DLAT: variants seen among roughly 807,000 people sequenced by gnomAD.
DLAT encodes dihydrolipoyllysine-residue acetyltransferase component of pyruvate dehydrogenase complex, mitochondrial.
DLAT carries 43 observed loss-of-function variants against 68.0 expected under a neutral mutation model. The ratio of observed to expected loss-of-function variants is 0.63; its 90% CI spans 0.50 to 0.81. The LOEUF (loss-of-function observed/expected upper bound fraction) is 0.81, where lower values mean the gene tolerates loss of function less well. Ranked by LOEUF, DLAT falls within the 40% of genes least tolerant of loss-of-function variation. The pLI, the probability that DLAT is intolerant of heterozygous loss-of-function variation, is 0.00. For missense variants in DLAT, 745 were observed against 815.4 expected (o/e 0.91, Z 1.05); for synonymous variants, 265 against 288.6 (o/e 0.92, Z 0.83).
At position 112,031,972 on chromosome 11, in the gene DLAT, G is replaced by A. The variant is rs1862430886; in HGVS notation, c.661-1432G>A. Among the ~76,000 whole-genome samples the A allele has an allele frequency of 3.2e-5, 4 of 123,340 alleles. No individual in the cohort carries two copies. The South Asian group carries it at 1.1e-3, about 35-fold the overall frequency. The allele number at this position is 123,340 out of a possible 152,430, so 80.9% of individuals were successfully genotyped here. ...GTGTAGTGGCACGATCTTGGCTCAC[G>A]GCAACCTCTGCGATTCTCATGCCTC... On this transcript the variant is annotated intron_variant, in intron 4 of 13. Transcript: ENST00000280346.
rs201582626 is a variant in DLAT at position 112,062,431 on chromosome 11, G to A, written c.1840G>A (p.Val614Ile). The A allele has an allele frequency of 6.2e-7, 1 of 1,612,618 alleles. No homozygotes were observed. The highest frequency in any genetic ancestry group is 1.3e-5 in the African/African-American group (1 of 74,982). Residue 614 changes from valine (V) to isoleucine (I), a missense_variant, in exon 14 of 14, where the codon GTT becomes ATT. Val to Ile is a conservative substitution (Grantham distance 29). Coordinates refer to ENST00000280346, the MANE Select transcript of DLAT (RefSeq NM_001931.5). ...GTTTGATGTGGCTAGCATGATGTCT[G>A]TTACACTCAGTTGTGATCACCGGGT... The part of the protein sequence containing the change: ...KGFDVASMMS[V>I]TLSCDHRVVD...
At chr11:112,049,571 GA>G (rs782036003) in intron 10 of DLAT, among the ~76,000 whole-genome samples, 22 of 149,306 alleles carry the variant, frequency 1.5e-4, no homozygotes, top group East Asian at 1.4e-3. Flanking sequence ...AGGTATGATT[GA>G]TTTTTTTTTT....
At position 112,051,550 on chromosome 11, in the gene DLAT, CTTGTTT is replaced by C. The variant is rs1199593534; in HGVS notation, c.1514+219_1514+224del. Reference sequence around the variant, plus strand: ...TTTCTTACTGGCCCCAATTTTCAACCTTGTTTTTGTTTTTGTTTTTGTTGTTGTTGT... The same window carrying C: ...TTTCTTACTGGCCCCAATTTTCAACCTTGTTTTTGTTTTTGTTGTTGTTGT... On this transcript the variant is annotated intron_variant, in intron 11 of 13. Coordinates refer to ENST00000280346, the MANE Select transcript of DLAT (RefSeq NM_001931.5). The surrounding 1 kb of genome is among the most constrained non-coding windows in gnomAD (Gnocchi z 4.3). Among the ~76,000 whole-genome samples, 10 of 151,998 alleles carry C rather than the reference CTTGTTT, an allele frequency of 6.6e-5. No individual in the cohort carries two copies. The highest frequency in any genetic ancestry group is 9.7e-5 in the African/African-American group (4 of 41,432).
chr11:112,057,477 A>C (rs1864168102), intron 11 of DLAT, among the ~76,000 whole-genome samples: 1 of 152,262 alleles, frequency 6.6e-6, no homozygotes, highest in African/African-American at 2.4e-5. Flanking sequence ...AATGAAAAGT[A>C]CTATCCTGGT....
chr11:112,054,154 CAA>C (rs1162304334), intron 11 of DLAT, among the ~76,000 whole-genome samples: 4 of 136,342 alleles, frequency 2.9e-5, no homozygotes, highest in Non-Finnish European at 1.6e-5. Context: ...GCTAAAAATA[CAA>C]AAAAAAAAAA....
chr11:112,052,363 G>A (rs587607721), intron 11 of DLAT, among the ~76,000 whole-genome samples: 5 of 151,950 alleles, frequency 3.3e-5, no homozygotes, highest in African/African-American at 1.2e-4. Context: ...CTACAAGACT[G>A]CCCTCACTTC....
chr11:112,028,416 G>C, intron 2 of DLAT, 99 bp from the exon 3 acceptor site: 1 of 1,189,276 alleles, frequency 8.4e-7, no homozygotes, highest in Non-Finnish European at 1.2e-6. Flanking sequence ...GAGACTCTGT[G>C]TCTCAAAAAA....
chr11:112,039,364 G>A lies in DLAT; in HGVS notation c.1096G>A (p.Val366Ile), dbSNP rs376605723. The change falls in exon 7 of 14, where the codon GTA (valine) becomes ATA (isoleucine). Residue 366 changes from valine (V) to isoleucine (I), a missense_variant. By Grantham distance (29) the Val-to-Ile change is conservative. Coordinates refer to ENST00000280346, the MANE Select transcript of DLAT (RefSeq NM_001931.5). Reference protein sequence around the residue: ...FVSPLAKKLAVEKGIDLTQVK... With the variant: ...FVSPLAKKLAIEKGIDLTQVK... ...TAGCCCTCTTGCAAAGAAGTTGGCA[G>A]TAGAGAAAGGGATTGATCTTACACA... 107 of 1,614,020 alleles carry A rather than the reference G, an allele frequency of 6.6e-5. No homozygotes were observed. Among genetic ancestry groups the A allele is most frequent in the Non-Finnish European group, 8.7e-5 (103 of 1,180,006 alleles).
chr11:112,051,188 A>C lies in DLAT; in HGVS notation c.1399-46A>C. ...ATGCACCCTGAAACTTAAAATTAAA[A>C]TTAAAATTAAAAAAGAAGAAACTAC... On this transcript the variant is annotated intron_variant, in intron 10 of 13. Coordinates refer to ENST00000280346, the MANE Select transcript of DLAT (RefSeq NM_001931.5). This position sits in a 1 kb window ranked among gnomAD's most constrained non-coding sequence, Gnocchi z 4.3. 7.6e-7 allele frequency: 1 copy of C among 1,321,644 alleles called. No individual in the cohort carries two copies. Among genetic ancestry groups the C allele is most frequent in the Non-Finnish European group, 1.1e-6 (1 of 939,682 alleles). 81.9% of individuals were successfully genotyped at this position (1,321,644 alleles called of 1,614,324 possible).
At chr11:112,045,302 TTTAACACA>T (rs1863251348) in intron 9 of DLAT, 72 bp downstream of exon 9, 7 of 1,243,566 alleles carry the variant, frequency 5.6e-6, no homozygotes, top group Non-Finnish European at 8.3e-6. Flanking sequence ...TTCCATAGTT[TTTAACACA>T]TTAACAGAGG....
At chr11:112,037,536 C>A in intron 6 of DLAT, 76 bp downstream of exon 6, 1 of 1,416,474 alleles carries the variant, frequency 7.1e-7, no homozygotes, top group Non-Finnish European at 9.9e-7. Context: ...TAGATGATAT[C>A]CTAGGTTCCT....
chr11:112,054,815 G>A lies in DLAT; in HGVS notation c.1514+3466G>A, dbSNP rs587773090. Among the ~76,000 whole-genome samples the A allele has an allele frequency of 2.0e-5, 3 of 152,310 alleles. No homozygotes were observed. In the East Asian group the frequency reaches 5.8e-4, roughly 29 times the overall value. ...CGTTCCCTCCAAAGACTATAGAGAA[G>A]AATCCTTCCTTGCCTTTTCCAGTTC... On this transcript the variant is annotated intron_variant, in intron 11 of 13. Transcript: ENST00000280346.
At chr11:112,056,818 A>G (rs1440289298) in intron 11 of DLAT, among the ~76,000 whole-genome samples, 5 of 152,200 alleles carry the variant, frequency 3.3e-5, no homozygotes, top group African/African-American at 7.2e-5. Flanking sequence ...CAGTTTCTCT[A>G]TGTCCTCATC....
chr11:112,030,501 A>G (rs1418033635), intron 4 of DLAT: 10 of 253,066 alleles, frequency 4.0e-5, no homozygotes, highest in Non-Finnish European at 7.0e-5. Flanking sequence ...TTCTTTTGAC[A>G]TGTGGTGATC....
At chr11:112,030,296 A>G in intron 4 of DLAT, 1 of 548,062 alleles carries the variant, frequency 1.8e-6, no homozygotes, top group South Asian at 1.4e-5. Flanking sequence ...TTGTGCGGCC[A>G]ACTTCCTGAC....
rs1555180114 is a variant in DLAT, at chr11:112,033,432, T to C, written c.689T>C (p.Met230Thr). The C allele has an allele frequency of 6.2e-7, 1 of 1,613,870 alleles. No homozygotes were observed. Among genetic ancestry groups the C allele is most frequent in the East Asian group, 2.2e-5 (1 of 44,864 alleles). ...QVLLPALSPT[M>T]TMGTVQRWEK... ...CTTCTTCCTGCCCTCTCTCCCACCA[T>C]GACCATGGGCACAGTTCAGAGATGG... is the stretch of plus-strand genomic sequence containing the variant. Residue 230 changes from methionine (M) to threonine (T), a missense_variant, in exon 5 of 14, where the codon ATG becomes ACG. By Grantham distance (81) the Met-to-Thr change is moderately conservative (BLOSUM62 -1). Coordinates refer to ENST00000280346, the MANE Select transcript of DLAT (RefSeq NM_001931.5).
Position 112,025,818 on chromosome 11 carries a change from C to T in DLAT, c.279+67C>T, listed in dbSNP as rs1861964697. ...AGAGCTGACTGGATGCCTGCAAGAT[C>T]CTCCTTGAGAGGCCTCACTGATCCT... On this transcript the variant is annotated intron_variant, in intron 1 of 13. Transcript: ENST00000280346. 13 of 1,588,028 alleles carry T rather than the reference C, an allele frequency of 8.2e-6. No homozygotes were observed. The South Asian group carries it at 1.4e-4, about 17-fold the overall frequency.
At chr11:112,029,050 G>T (rs1424600581) in intron 4 of DLAT, 105 bp downstream of exon 4, 31 of 1,327,916 alleles carry the variant, frequency 2.3e-5, no homozygotes, top group Non-Finnish European at 3.2e-5. Flanking sequence ...ATGTGGTTAG[G>T]TCTTGTCATT....
At chr11:112,032,083 T>C (rs587755103) in intron 4 of DLAT, among the ~76,000 whole-genome samples, 1 of 151,656 alleles carries the variant, frequency 6.6e-6, no homozygotes, top group South Asian at 2.1e-4. Flanking sequence ...GGTTTCGACA[T>C]GATGGCCCGG....
Sources: gnomAD v4.1 joint callset for allele counts (sites outside exome capture counted in the v4.1 genomes callset) on GRCh38, gnomAD v4.1.1 for gene constraint, Gnocchi (gnomAD v3.1) non-coding constraint, MANE v1.5 for transcripts, NCBI Gene and HGNC (gene_info 2026-07-23, HGNC 2026-07-21) for gene names.